The following MYO5B variants were observed in gnomAD, a reference collection of about 807,000 sequenced individuals.
MYO5B encodes the protein unconventional myosin-Vb.
MYO5B carries 143 observed loss-of-function variants against 229.3 expected under a neutral mutation model. The ratio of observed to expected loss-of-function variants is 0.62; its 90% CI spans 0.54 to 0.72. The LOEUF (loss-of-function observed/expected upper bound fraction) is 0.72. MYO5B is among the 30% of genes least tolerant of loss of function. The pLI, the probability that MYO5B is intolerant of heterozygous loss-of-function variation, is 0.00. For missense variants in MYO5B, 2,321 were observed against 2,331.0 expected (o/e 1.00, Z 0.09); for synonymous variants, 918 against 885.2 (o/e 1.04, Z -0.66).
chr18:50,118,905 G>A (rs2032013130), intron 1 of MYO5B, among the ~76,000 whole-genome samples: 1 of 152,194 alleles, frequency 6.6e-6, no homozygotes, highest in African/African-American at 2.4e-5. Flanking sequence ...CACACTAAGA[G>A]TAGTACCAGC....
Position 50,127,504 on chromosome 18 carries a change from T to G in MYO5B, c.27+67263A>C, listed in dbSNP as rs113234101. On this transcript the variant is annotated intron_variant, in intron 1 of 39. Transcript: ENST00000285039. ...CACCCTTCACACCTGGTAGAGGAGG[T>G]AAGGAGTCCTCAGCTGAAAGAGAAC... is the stretch of plus-strand genomic sequence containing the variant. Among the ~76,000 whole-genome samples, 1,201 of 151,930 alleles carry G rather than the reference T, an allele frequency of 7.9e-3. 16 individuals carry two copies. Among genetic ancestry groups the G allele is most frequent in the African/African-American group, 0.027 (1,138 of 41,400 alleles).
intron 17 of MYO5B, among the ~76,000 whole-genome samples, chr18:49,929,091 A>G (rs190552601): frequency 1.3e-3 from 198 of 152,292 alleles, no homozygotes; most frequent in Non-Finnish European, 2.1e-3. Context: ...ACCAAACACC[A>G]CTTGTTCCCC....
chr18:50,060,071 G>T (rs181486925), intron 1 of MYO5B, among the ~76,000 whole-genome samples: 1 of 152,154 alleles, frequency 6.6e-6, no homozygotes, highest in African/African-American at 2.4e-5. Flanking sequence ...TTTTTGGAGC[G>T]ATGAAAGTGT....
chr18:50,152,748 A>G (rs2032618649), intron 1 of MYO5B, among the ~76,000 whole-genome samples: 2 of 152,158 alleles, frequency 1.3e-5, no homozygotes, highest in Admixed American at 1.3e-4. Context: ...GAAAGCTAAA[A>G]TAACCATTTC....
At chr18:50,095,945 G>A (rs188752246) in intron 1 of MYO5B, among the ~76,000 whole-genome samples, 159 of 152,202 alleles carry the variant, frequency 1.0e-3, no homozygotes, top group Non-Finnish European at 1.6e-3. Context: ...AATGTGAGTC[G>A]GTCCCAAGTT....
Position 50,070,018 on chromosome 18 carries a change from C to CTTTTTTT in MYO5B, c.28-14647_28-14641dup, listed in dbSNP as rs765610800. On this transcript the variant is annotated intron_variant, in intron 1 of 39. Transcript: ENST00000285039. ...CTTACCTGAAATATTGCAATTTAGT[C>CTTTTTTT]TTTTTTTTTTTTTTTTTTTTTGAGA... is the stretch of plus-strand genomic sequence containing the variant. Among the ~76,000 whole-genome samples, 88 of 110,052 alleles carry CTTTTTTT rather than the reference C, an allele frequency of 8.0e-4. 2 individuals carry two copies. The highest frequency in any genetic ancestry group is 3.3e-3 in the African/African-American group (87 of 26,494). The allele number at this position is 110,052 out of a possible 152,430, so 72.2% of individuals were successfully genotyped here. A position where few individuals can be genotyped will look rare whatever the true frequency, so the allele number is the denominator to read the frequency against.
chr18:49,880,266 C>G, intron 23 of MYO5B, 105 bp downstream of exon 23: 1 of 949,474 alleles, frequency 1.1e-6, no homozygotes, highest in Non-Finnish European at 1.7e-6. Flanking sequence ...CCTTTCCCCA[C>G]TGTAGCCTCT....
intron 10 of MYO5B, among the ~76,000 whole-genome samples, chr18:49,971,225 A>G (rs2025688366): frequency 6.6e-6 from 1 of 152,162 alleles, no homozygotes; most frequent in Admixed American, 6.5e-5. Context: ...TAATGACTGG[A>G]ATGAGTTTGA....
At chr18:49,935,144 G>A (rs2144207439) in intron 16 of MYO5B, among the ~76,000 whole-genome samples, 1 of 152,266 alleles carries the variant, frequency 6.6e-6, no homozygotes, top group South Asian at 2.1e-4. Context: ...GGGAGACCAG[G>A]GTGAGGAACG....
At chr18:50,031,094 G>C (rs1038900184) in intron 4 of MYO5B, among the ~76,000 whole-genome samples, 4 of 152,064 alleles carry the variant, frequency 2.6e-5, no homozygotes, top group African/African-American at 9.7e-5. Context: ...CAAGACTGGG[G>C]CTGAGCAGAC....
At chr18:50,123,181 G>A (rs1705534) in intron 1 of MYO5B, among the ~76,000 whole-genome samples, 96,739 of 152,004 alleles carry the variant, frequency 0.64, 31,072 homozygotes, top group Admixed American at 0.7. Context: ...AAGAAGTCAG[G>A]CACAAAAAGT....
At chr18:49,966,454 T>TA (rs2025626952) in intron 10 of MYO5B, among the ~76,000 whole-genome samples, 2 of 152,296 alleles carry the variant, frequency 1.3e-5, no homozygotes, top group South Asian at 4.1e-4. Context: ...ATGATAGTCT[T>TA]AAAGACTGAG....
intron 20 of MYO5B, among the ~76,000 whole-genome samples, chr18:49,903,318 A>T (rs977763289): frequency 1.3e-5 from 2 of 152,100 alleles, no homozygotes; most frequent in African/African-American, 2.4e-5. Flanking sequence ...ATATGAAAGC[A>T]TCATCAGTGT....
At chr18:50,012,824 G>A (rs1334707456) in intron 4 of MYO5B, among the ~76,000 whole-genome samples, 1 of 152,204 alleles carries the variant, frequency 6.6e-6, no homozygotes, top group Non-Finnish European at 1.5e-5. Flanking sequence ...AGTAGACAAA[G>A]GTTAGCATTC....
At chr18:49,978,549 C>T (rs1598927172) in intron 9 of MYO5B, among the ~76,000 whole-genome samples, 1 of 152,128 alleles carries the variant, frequency 6.6e-6, no homozygotes, top group Admixed American at 6.5e-5. Context: ...CCTGGAGAGC[C>T]TCAGTCATCC....
chr18:50,188,464 G>T (rs1026619537), intron 1 of MYO5B, among the ~76,000 whole-genome samples: 1 of 152,102 alleles, frequency 6.6e-6, no homozygotes, highest in East Asian at 1.9e-4. Context: ...CAAACACACT[G>T]AAGGCTCCTA....
intron 1 of MYO5B, among the ~76,000 whole-genome samples, chr18:50,145,061 G>A (rs1044839552): frequency 6.6e-5 from 10 of 152,096 alleles, no homozygotes; most frequent in Admixed American, 5.2e-4. Flanking sequence ...TTCCCTTCAG[G>A]AGAAACATTC....
At position 49,863,188 on chromosome 18, in the gene MYO5B, C is replaced by G. The variant is rs539546968; in HGVS notation, c.3944+39G>C. 5.6e-4 allele frequency: 856 copies of G among 1,535,474 alleles called. 8 individuals are homozygous for G. The South Asian group carries it at 8.8e-3, about 16-fold the overall frequency. ...GACTCGTTTGGGCAGGGCCCTTCTC[C>G]GCGGCCTCGTCCAGCACATTTGACC... On this transcript the variant is annotated intron_variant, in intron 29 of 39. Transcript: ENST00000285039.
At chr18:49,889,323 A>C (rs1568019169) in intron 22 of MYO5B, among the ~76,000 whole-genome samples, 1 of 152,246 alleles carries the variant, frequency 6.6e-6, no homozygotes, top group African/African-American at 2.4e-5. Context: ...TTAGGTTGGC[A>C]AATTATCAAA....
Sources: gnomAD v4.1 joint callset for allele counts (sites outside exome capture counted in the v4.1 genomes callset) on GRCh38, gnomAD v4.1.1 for gene constraint, MANE v1.5 for transcripts, NCBI Gene and HGNC (gene_info 2026-07-23, HGNC 2026-07-21) for gene names.